PDCD11: variants seen among roughly 807,000 people sequenced by gnomAD.
The protein encoded by PDCD11 is programmed cell death 11, also known as protein RRP5 homolog.
A neutral mutation model predicts 198.9 loss-of-function variants in PDCD11; 97 were observed. The ratio of observed to expected loss-of-function variants is 0.49; its 90% CI spans 0.41 to 0.58. The LOEUF (loss-of-function observed/expected upper bound fraction) is 0.58. PDCD11 is among the 20% of genes least tolerant of loss of function. PDCD11 has a pLI of 0.00. For synonymous variants in PDCD11, 893 were observed against 918.0 expected (o/e 0.97, Z 0.49); for missense variants, 2,102 against 2,312.7 (o/e 0.91, Z 1.87).
chr10:103,438,072 G>C lies in PDCD11; in HGVS notation c.3902+1G>C. 1.9e-6 allele frequency: 3 copies of C among 1,612,998 alleles called. No homozygotes were observed. Among genetic ancestry groups the C allele is most frequent in the Non-Finnish European group, 2.5e-6 (3 of 1,179,042 alleles). On this transcript the variant is annotated splice_donor_variant, in intron 26 of 35. Transcript: ENST00000369797. LOFTEE classifies it high-confidence loss of function. ...TGACTTTGTCGCTGCGATCATCCAG[G>C]TGGGTTTCTGTGTTGTTGGAAAAAG...
Position 103,440,192 on chromosome 10 carries a change from C to T in PDCD11, c.4149-98C>T, listed in dbSNP as rs187912142. ...TCCCAAGGCAGATGGGGGCAGGGCCCAGAATCGTGGGCTGATCAGGAGGAA... is the reference window on the plus strand; with the variant it reads ...TCCCAAGGCAGATGGGGGCAGGGCCTAGAATCGTGGGCTGATCAGGAGGAA... On this transcript the variant is annotated intron_variant, in intron 28 of 35. Coordinates refer to ENST00000369797, the MANE Select transcript of PDCD11 (RefSeq NM_014976.2). 3.7e-5 allele frequency: 56 copies of T among 1,512,142 alleles called. No homozygotes were observed. The East Asian group carries it at 1.3e-3, about 34-fold the overall frequency. The allele number at this position is 1,512,142 out of a possible 1,614,324, so 93.7% of individuals were successfully genotyped here. A position where few individuals can be genotyped will look rare whatever the true frequency, so the allele number is the denominator to read the frequency against.
intron 8 of PDCD11, 39 bp from the exon 9 acceptor site, chr10:103,413,077 G>C (rs1180559955): frequency 7.7e-6 from 12 of 1,558,638 alleles, no homozygotes; most frequent in Non-Finnish European, 1.1e-5. Flanking sequence ...GTGCTCCTGT[G>C]TGCCTCCTCC....
At chr10:103,411,964 T>C (rs1301227863) in intron 8 of PDCD11, among the ~76,000 whole-genome samples, 2 of 152,150 alleles carry the variant, frequency 1.3e-5, no homozygotes, top group Non-Finnish European at 2.9e-5. Flanking sequence ...TATAGTTTTC[T>C]GGCCTTGAGT....
chr10:103,437,661 T>G (rs1027642950), intron 25 of PDCD11, among the ~76,000 whole-genome samples: 6 of 152,098 alleles, frequency 3.9e-5, no homozygotes, highest in Admixed American at 1.3e-4. Flanking sequence ...CTATTTTTTT[T>G]GTATTTTTAG....
intron 30 of PDCD11, 72 bp downstream of exon 30, chr10:103,440,922 C>A: frequency 9.7e-7 from 1 of 1,032,256 alleles, no homozygotes; most frequent in Non-Finnish European, 1.4e-6. Flanking sequence ...TCTGCCTCAT[C>A]CTCTTTTACT....
intron 14 of PDCD11, among the ~76,000 whole-genome samples, chr10:103,418,203 C>T (rs947139450): frequency 6.6e-6 from 1 of 152,146 alleles, no homozygotes; most frequent in Non-Finnish European, 1.5e-5. Context: ...TTCTGGCTTT[C>T]CTGGGGCTCC....
Position 103,417,868 on chromosome 10 carries a change from C to T in PDCD11, c.1847C>T (p.Pro616Leu), listed in dbSNP as rs1271813199. ...MLLSFKLSSD[P>L]EPKKEPAGHS... ...TTATCCTTCAAGCTGTCGAGTGATC[C>T]AGAGCCAAAGAAAGAGCCTGCAGGA... The change falls in exon 14 of 36, where the codon CCA becomes CTA. Residue 616 changes from proline (P) to leucine (L), a missense_variant. Transcript: ENST00000369797. The T allele has an allele frequency of 6.2e-7, 1 of 1,614,024 alleles. No homozygotes were observed. The highest frequency in any genetic ancestry group is 1.3e-5 in the African/African-American group (1 of 74,912).
rs143782510 is a variant in PDCD11 at position 103,421,708 on chromosome 10, T to C, written c.2497+141T>C. ...GGCCGGGCGCGGTGGCTCACGCCTG[T>C]AATCCCAGCACTTTGGGAGGCCGAG... On this transcript the variant is annotated intron_variant, in intron 17 of 35. Transcript: ENST00000369797. 1,048 of 606,272 alleles carry C rather than the reference T, an allele frequency of 1.7e-3. 5 individuals carry two copies. The African/African-American group carries it at 0.018, about 10-fold the overall frequency. The allele number at this position is 606,272 out of a possible 1,614,324, so 37.6% of individuals were successfully genotyped here.
At position 103,416,584 on chromosome 10, in the gene PDCD11, G is replaced by A. The variant is rs148511637; in HGVS notation, c.1612G>A (p.Asp538Asn). 21 of 1,614,050 alleles carry A rather than the reference G, an allele frequency of 1.3e-5. No homozygotes were observed. The African/African-American group carries it at 1.5e-4, about 11-fold the overall frequency. The part of the protein sequence containing the change: ...SKLPVITCYA[D>N]AKPGLQTHGF... The stretch of plus-strand genomic sequence containing the variant: ...ACTACCTGTCATTACCTGCTATGCC[G>A]ATGCCAAGCCTGGTCTGCAGACACA... Residue 538 changes from aspartate (D) to asparagine (N), a missense_variant, in exon 13 of 36, where the codon GAT (aspartate) becomes AAT (asparagine). Coordinates refer to ENST00000369797, the MANE Select transcript of PDCD11 (RefSeq NM_014976.2).
rs552041927 is a variant in PDCD11 at position 103,396,940 on chromosome 10, C to G, written c.-12+210C>G. On this transcript the variant is annotated intron_variant, in intron 1 of 35. Transcript: ENST00000369797. ...TCTTCTGTGCCCCTGGATCGCCTTACTTTTCAGAGCCTCAGTTTCCCCTTG... is the reference window on the plus strand; with the variant it reads ...TCTTCTGTGCCCCTGGATCGCCTTAGTTTTCAGAGCCTCAGTTTCCCCTTG... Among the ~76,000 whole-genome samples the G allele has an allele frequency of 1.1e-4, 17 of 152,300 alleles. 1 individual carries two copies. Among genetic ancestry groups the G allele is most frequent in the Admixed American group, 9.8e-4 (15 of 15,298 alleles).
In PDCD11 at chr10:103,438,682, T is replaced by C. The variant is rs2032252817; in HGVS notation, c.3903-4T>C. 6.2e-7 allele frequency: 1 copy of C among 1,614,168 alleles called. No homozygotes were observed. Among genetic ancestry groups the C allele is most frequent in the Non-Finnish European group, 8.5e-7 (1 of 1,180,024 alleles). On this transcript the variant is annotated splice_region_variant and splice_polypyrimidine_tract_variant and intron_variant, in intron 26 of 35. Coordinates refer to ENST00000369797, the MANE Select transcript of PDCD11 (RefSeq NM_014976.2). Reference sequence around the variant, plus strand: ...GTGTGCATGTAAGCCTTTTATTCCTTTAGAACAAACCCGGAGACGAAAAGC... The same window carrying C: ...GTGTGCATGTAAGCCTTTTATTCCTCTAGAACAAACCCGGAGACGAAAAGC...
In PDCD11 at chr10:103,419,472, A is replaced by G; in HGVS notation, c.2107-66A>G. On this transcript the variant is annotated intron_variant, in intron 15 of 35. Transcript: ENST00000369797. ...CAGTTCTGTCCTTCTCTGTGGAGAAAGGAGATGGGAGAGATGGACATTTCA... is the reference window on the plus strand; with the variant it reads ...CAGTTCTGTCCTTCTCTGTGGAGAAGGGAGATGGGAGAGATGGACATTTCA... 4.6e-6 allele frequency: 7 copies of G among 1,528,782 alleles called. No homozygotes were observed. The South Asian group carries it at 8.7e-5, about 19-fold the overall frequency. The allele number at this position is 1,528,782 out of a possible 1,614,324, so 94.7% of individuals were successfully genotyped here.
rs1213253305 is a variant in PDCD11, at chr10:103,418,597, A to C, written c.2069A>C (p.His690Pro). ...HHWLQAGDIL[H>P]RVLCLSQSEG... Reference sequence around the variant, plus strand: ...TGGCTCCAGGCAGGTGACATCCTTCACCGAGTCCTGTGTCTGAGCCAGAGC... The same window carrying C: ...TGGCTCCAGGCAGGTGACATCCTTCCCCGAGTCCTGTGTCTGAGCCAGAGC... The change falls in exon 15 of 36, where the codon CAC becomes CCC. Residue 690 changes from histidine to proline, a missense_variant. Transcript: ENST00000369797. 6.2e-7 allele frequency: 1 copy of C among 1,614,090 alleles called. No homozygotes were observed. Among genetic ancestry groups the C allele is most frequent in the Non-Finnish European group, 8.5e-7 (1 of 1,180,012 alleles).
At chr10:103,426,545 G>A in intron 20 of PDCD11, among the ~76,000 whole-genome samples, 1 of 152,142 alleles carries the variant, frequency 6.6e-6, no homozygotes, top group East Asian at 1.9e-4. Context: ...TGTAATTCCA[G>A]CACTTTTGGG....
intron 7 of PDCD11, among the ~76,000 whole-genome samples, chr10:103,407,781 T>C (rs2133685190): frequency 6.6e-6 from 1 of 151,724 alleles, no homozygotes; most frequent in African/African-American, 2.4e-5. Flanking sequence ...TGCAGTGGCG[T>C]GATCTCGGGT....
At chr10:103,444,824 C>G (rs1030271242) in intron 35 of PDCD11, 142 bp downstream of exon 35, 1 of 738,542 alleles carries the variant, frequency 1.4e-6, no homozygotes, top group Non-Finnish European at 2.3e-6. Context: ...CAGTGACATT[C>G]ACTTCAACTC....
In PDCD11 at chr10:103,441,718, G is replaced by C. The variant is rs1047738388; in HGVS notation, c.4558-108G>C. On this transcript the variant is annotated intron_variant, in intron 30 of 35. Coordinates refer to ENST00000369797, the MANE Select transcript of PDCD11 (RefSeq NM_014976.2). ...CTAGGAGGAGAGGAGAGGAGAGGAGGGGTCTCTGGGCTTGGTAGGAGTCCA... is the reference window on the plus strand; with the variant it reads ...CTAGGAGGAGAGGAGAGGAGAGGAGCGGTCTCTGGGCTTGGTAGGAGTCCA... The C allele has an allele frequency of 1.6e-5, 15 of 967,040 alleles. No homozygotes were observed. In the Admixed American group the frequency reaches 1.7e-4, roughly 11 times the overall value. 59.9% of individuals were successfully genotyped at this position (967,040 alleles called of 1,614,324 possible). A position where few individuals can be genotyped will look rare whatever the true frequency, so the allele number is the denominator to read the frequency against.
At chr10:103,405,221 G>A in intron 5 of PDCD11, 38 bp downstream of exon 5, 1 of 1,605,402 alleles carries the variant, frequency 6.2e-7, no homozygotes, top group Non-Finnish European at 8.5e-7. Flanking sequence ...GTGGCAATGT[G>A]CCTTCTCTCT....
intron 21 of PDCD11, among the ~76,000 whole-genome samples, chr10:103,430,827 T>G (rs543514947): frequency 6.6e-6 from 1 of 152,032 alleles, no homozygotes; most frequent in East Asian, 1.9e-4. Flanking sequence ...AAATGGAGTT[T>G]CGCTCTTATT....
Sources: allele counts gnomAD v4.1 joint callset (sites outside exome capture counted in the v4.1 genomes callset), GRCh38; gene constraint gnomAD v4.1.1; transcripts MANE v1.5; gene names NCBI Gene and HGNC (gene_info 2026-07-23, HGNC 2026-07-21).